Variants in IBTK observed in about 807,000 individuals in gnomAD.
IBTK encodes BTK-binding protein.
A neutral mutation model predicts 154.9 loss-of-function variants in IBTK; 83 were observed. That is an observed-to-expected ratio of 0.54 (90% CI 0.45 to 0.64). IBTK has a LOEUF of 0.64. Ranked by LOEUF, IBTK falls within the 30% of genes least tolerant of loss-of-function variation. The pLI is 0.00. For missense variants in IBTK, 1,332 were observed against 1,584.6 expected (o/e 0.84, Z 2.71); for synonymous variants, 515 against 536.1 (o/e 0.96, Z 0.54).
At chr6:82,231,578 A>T in intron 4 of IBTK, 140 bp downstream of exon 4, 1 of 554,472 alleles carries the variant, frequency 1.8e-6, no homozygotes, top group Non-Finnish European at 3.0e-6. Flanking sequence ...TAAAATTAGC[A>T]AAGTTCTATT....
intron 25 of IBTK, among the ~76,000 whole-genome samples, chr6:82,190,858 G>A (rs1424979134): frequency 6.6e-6 from 1 of 151,778 alleles, no homozygotes; most frequent in Non-Finnish European, 1.5e-5. Flanking sequence ...ATCATGACTT[G>A]TATGTCAAAA....
intron 12 of IBTK, among the ~76,000 whole-genome samples, chr6:82,213,789 C>T (rs1582225946): frequency 6.6e-6 from 1 of 151,876 alleles, no homozygotes; most frequent in Admixed American, 6.6e-5. Flanking sequence ...GATAGCTCTG[C>T]CCGCAAATGG....
intron 11 of IBTK, 49 bp from the exon 12 acceptor site, chr6:82,214,878 T>G: frequency 1.2e-5 from 17 of 1,472,264 alleles, no homozygotes; most frequent in African/African-American, 1.4e-5. Flanking sequence ...ATGAAGGAAA[T>G]CCTTTTTCAT....
At chr6:82,178,958 C>T (rs1768217264) in intron 26 of IBTK, among the ~76,000 whole-genome samples, 1 of 152,192 alleles carries the variant, frequency 6.6e-6, no homozygotes, top group Non-Finnish European at 1.5e-5. Flanking sequence ...CTATGTAGGC[C>T]TTGAAGGCCA....
chr6:82,198,642 CAA>C (rs1769090479), intron 21 of IBTK, among the ~76,000 whole-genome samples: 1 of 151,800 alleles, frequency 6.6e-6, no homozygotes, highest in Non-Finnish European at 1.5e-5. Context: ...TTCTATTTTT[CAA>C]AGTTGTTTGT....
At chr6:82,205,701 G>A (rs909416389) in intron 16 of IBTK, 3 of 152,336 alleles carry the variant, frequency 2.0e-5, no homozygotes, top group Non-Finnish European at 2.9e-5. Context: ...GGGAGGCAGA[G>A]GTTGCAATGA....
intron 23 of IBTK, among the ~76,000 whole-genome samples, chr6:82,192,747 CAA>C (rs148526883): frequency 7.5e-4 from 67 of 89,086 alleles, no homozygotes; most frequent in Non-Finnish European, 6.3e-4. Flanking sequence ...AACTCTGTCT[CAA>C]AAAAAAAAAA....
intron 12 of IBTK, 93 bp from the exon 13 acceptor site, chr6:82,212,886 TAATA>T: frequency 1.4e-6 from 1 of 695,248 alleles, no homozygotes; most frequent in Non-Finnish European, 2.5e-6. Context: ...CATCTAAATA[TAATA>T]CTGTATCCTA....
At chr6:82,205,528 G>A (rs1769372326) in intron 16 of IBTK, 1 of 152,378 alleles carries the variant, frequency 6.6e-6, no homozygotes, top group Admixed American at 6.5e-5. Flanking sequence ...AGCACTATGG[G>A]AGGTGGAGGC....
intron 22 of IBTK, 135 bp from the exon 23 acceptor site, chr6:82,194,777 C>T (rs1044153518): frequency 1.8e-4 from 102 of 557,942 alleles, no homozygotes; most frequent in Non-Finnish European, 2.6e-4. Flanking sequence ...CTAGTATTTT[C>T]AAATCATGTT....
Position 82,173,371 on chromosome 6 carries a change from G to A in IBTK, c.3793C>T (p.Pro1265Ser), listed in dbSNP as rs1194244978. 1.2e-6 allele frequency: 2 copies of A among 1,610,210 alleles called. No homozygotes were observed. ...HISDLPLLDS[P>S]NPWLSSSVTA... ...TAACTTATCAATTAACCTTACTTGG[G>A]ACTGTCTAGAAGTGGTAAATCTGAA... Residue 1265 changes from proline to serine, a missense_variant, in exon 27 of 29, where the codon CCC becomes TCC. By Grantham distance (74) the Pro-to-Ser change is moderately conservative. Coordinates refer to ENST00000306270, the MANE Select transcript of IBTK (RefSeq NM_015525.4).
Position 82,172,465 on chromosome 6 carries a change from A to G in IBTK, c.3845T>C (p.Val1282Ala). The G allele has an allele frequency of 1.2e-6, 2 of 1,613,872 alleles. No homozygotes were observed. Among genetic ancestry groups the G allele is most frequent in the Middle Eastern group, 1.7e-4 (1 of 6,052 alleles). ...TTCTTCTACAATAGATGCAAAAGTG[A>G]CTGGGGCTACCATGGATGGAGCAGT... ...SVTAPSMVAP[V>A]TFASIVEEEL... Residue 1282 changes from valine (V) to alanine (A), a missense_variant, in exon 28 of 29, where the codon GTC becomes GCC. Around this residue, in one of 3 missense-constraint regions of IBTK, gnomAD observed 1,134 missense variants for 1,274.7 expected, o/e 0.89. Transcript: ENST00000306270.
rs890227017 is a variant in IBTK at position 82,200,504 on chromosome 6, G to T, written c.2912+83C>A. On this transcript the variant is annotated intron_variant, in intron 20 of 28. Transcript: ENST00000306270. ...CAATACCAACACAAAAGTGTCATAT[G>T]TCCAAGATGAGAGTGAAGGGACACA... 2.5e-5 allele frequency: 30 copies of T among 1,220,934 alleles called. No homozygotes were observed. In the African/African-American group the frequency reaches 4.6e-4, roughly 19 times the overall value. The allele number at this position is 1,220,934 out of a possible 1,614,324, so 75.6% of individuals were successfully genotyped here.
At position 82,210,807 on chromosome 6, in the gene IBTK, T is replaced by G; in HGVS notation, c.2509+7A>C. The G allele has an allele frequency of 7.6e-7, 1 of 1,319,890 alleles. No individual in the cohort carries two copies. The highest frequency in any genetic ancestry group is 1.1e-6 in the Non-Finnish European group (1 of 951,936). 81.8% of individuals were successfully genotyped at this position (1,319,890 alleles called of 1,614,324 possible). On this transcript the variant is annotated splice_region_variant and intron_variant, in intron 16 of 28. Coordinates refer to ENST00000306270, the MANE Select transcript of IBTK (RefSeq NM_015525.4). ...AGTATCTACAATGTCCTAACTCTTA[T>G]TAATACCTTTTATCACCACAGCTTC...
At chr6:82,238,867 T>G (rs1770834841) in intron 2 of IBTK, among the ~76,000 whole-genome samples, 1 of 151,970 alleles carries the variant, frequency 6.6e-6, no homozygotes, top group African/African-American at 2.4e-5. Context: ...GTCTCCCAAG[T>G]AGCTAAGACT....
At chr6:82,219,767 A>G (rs1321167399) in intron 9 of IBTK, among the ~76,000 whole-genome samples, 1 of 152,058 alleles carries the variant, frequency 6.6e-6, no homozygotes, top group Admixed American at 6.6e-5. Flanking sequence ...TTCCTTATAC[A>G]CTAGTGATCC....
At chr6:82,227,475 T>C (rs1054421464) in intron 4 of IBTK, among the ~76,000 whole-genome samples, 173 bp from the exon 5 acceptor site, 1 of 152,110 alleles carries the variant, frequency 6.6e-6, no homozygotes, top group East Asian at 1.9e-4. Context: ...AAAAGATACA[T>C]ATGCTTTGTT....
intron 20 of IBTK, 62 bp from the exon 21 acceptor site, chr6:82,200,315 A>G: frequency 3.5e-6 from 4 of 1,154,218 alleles, no homozygotes; most frequent in Middle Eastern, 2.1e-4. Context: ...AAATGCACTT[A>G]TTTAACCCAA....
At chr6:82,179,444 A>G (rs1768231883) in intron 26 of IBTK, among the ~76,000 whole-genome samples, 1 of 152,250 alleles carries the variant, frequency 6.6e-6, no homozygotes, top group Non-Finnish European at 1.5e-5. Context: ...TCTAAAGTTC[A>G]GATGATAGAT....
Sources: allele counts gnomAD v4.1 joint callset (sites outside exome capture counted in the v4.1 genomes callset), GRCh38; gene constraint gnomAD v4.1.1; regional missense constraint gnomAD v4.1.1; transcripts MANE v1.5; gene names NCBI Gene and HGNC (gene_info 2026-07-23, HGNC 2026-07-21).